Variants in UBOX5 observed in about 807,000 individuals in gnomAD.
UBOX5 encodes U-box domain containing 5, also known as RING finger protein 37.
In UBOX5, 28 loss-of-function variants were observed where a neutral mutation model predicts 39.0. The ratio of observed to expected loss-of-function variants is 0.72; its 90% CI spans 0.53 to 0.98. UBOX5 has a LOEUF of 0.98. Ranked by LOEUF, UBOX5 falls within the 50% of genes least tolerant of loss-of-function variation. UBOX5 has a pLI of 0.00. For missense variants in UBOX5, 585 were observed against 674.4 expected (o/e 0.87, Z 1.47); for synonymous variants, 283 against 275.5 (o/e 1.03, Z -0.27).
intron 4 of UBOX5, among the ~76,000 whole-genome samples, chr20:3,114,249 C>G (rs1037099799): frequency 1.3e-5 from 2 of 152,048 alleles, no homozygotes; most frequent in African/African-American, 4.8e-5. Flanking sequence ...TGAGTTTTCA[C>G]TTGGGTAACA....
intron 1 of UBOX5, chr20:3,147,972 G>A: frequency 6.2e-7 from 1 of 1,614,204 alleles, no homozygotes; most frequent in Non-Finnish European, 8.5e-7. Context: ...TGATCCACGT[G>A]AGTGAAACGG....
At chr20:3,148,473 G>C in intron 1 of UBOX5, 2 of 1,614,168 alleles carry the variant, frequency 1.2e-6, no homozygotes, top group Non-Finnish European at 8.5e-7. Context: ...GTATCAAAGA[G>C]CTGTATCTTC....
intron 1 of UBOX5, among the ~76,000 whole-genome samples, chr20:3,152,131 A>G (rs1430738462): frequency 6.6e-6 from 1 of 151,416 alleles, no homozygotes; most frequent in East Asian, 1.9e-4. Context: ...AAGAACCAAA[A>G]AAACAGAGAT....
intron 1 of UBOX5, among the ~76,000 whole-genome samples, chr20:3,158,133 TGTTTTTTGTTTTTTTC>T (rs2066708076): frequency 6.6e-6 from 1 of 152,004 alleles, no homozygotes; most frequent in Non-Finnish European, 1.5e-5. Context: ...GTGTTTTTTT[TGTTTTTTGTTTTTTTC>T]GTAGAGACAG....
intron 1 of UBOX5, among the ~76,000 whole-genome samples, chr20:3,126,234 G>A (rs2066387185): frequency 6.6e-6 from 1 of 152,128 alleles, no homozygotes; most frequent in Non-Finnish European, 1.5e-5. Flanking sequence ...TCTGAATCAT[G>A]TGCTGTGTCA....
chr20:3,115,215 C>CAG (rs1216190994), intron 4 of UBOX5, 90 bp downstream of exon 4: 17 of 1,460,950 alleles, frequency 1.2e-5, no homozygotes, highest in African/African-American at 2.8e-5. Flanking sequence ...GGCAGGTCCA[C>CAG]AGAGCCCCCA....
chr20:3,115,495 C>G, intron 3 of UBOX5, 29 bp from the exon 4 acceptor site: 1 of 1,580,586 alleles, frequency 6.3e-7, no homozygotes, highest in South Asian at 1.1e-5. Flanking sequence ...AGCACAACAT[C>G]CAGAGACAGG....
chr20:3,142,274 C>T (rs1233250727), intron 1 of UBOX5, among the ~76,000 whole-genome samples: 1 of 151,690 alleles, frequency 6.6e-6, no homozygotes, highest in East Asian at 1.9e-4. Flanking sequence ...CCAGCCTGGG[C>T]AACATGGTGA....
chr20:3,129,927 G>T (rs566857551), intron 1 of UBOX5, among the ~76,000 whole-genome samples: 54 of 152,200 alleles, frequency 3.5e-4, no homozygotes, highest in Non-Finnish European at 6.9e-4. Context: ...AATAATTTTG[G>T]AACAAAGTGG....
At chr20:3,114,141 A>T (rs2066275626) in intron 4 of UBOX5, among the ~76,000 whole-genome samples, 1 of 152,210 alleles carries the variant, frequency 6.6e-6, no homozygotes, top group Non-Finnish European at 1.5e-5. Flanking sequence ...TCTTAAAAAA[A>T]GAAAAAAGAG....
chr20:3,145,154 G>A (rs1423695069), intron 1 of UBOX5, among the ~76,000 whole-genome samples: 3 of 151,636 alleles, frequency 2.0e-5, no homozygotes. Flanking sequence ...GTGAAGCTTT[G>A]AGAGCCTTTT....
chr20:3,147,514 A>G, intron 1 of UBOX5: 1 of 1,614,242 alleles, frequency 6.2e-7, no homozygotes, highest in South Asian at 1.1e-5. Context: ...TGCCAACTGT[A>G]CCATCGAGGG....
At chr20:3,115,276 C>A in intron 4 of UBOX5, 29 bp downstream of exon 4, 1 of 1,597,772 alleles carries the variant, frequency 6.3e-7, no homozygotes, top group Admixed American at 1.7e-5. Context: ...CATTCCAAGG[C>A]TCCAAGGAGA....
At chr20:3,111,177 G>A (rs1405126312) in intron 4 of UBOX5, among the ~76,000 whole-genome samples, 4 of 152,162 alleles carry the variant, frequency 2.6e-5, no homozygotes, top group African/African-American at 9.7e-5. Context: ...TTTCCTCATG[G>A]CCCCTCTGGA....
chr20:3,135,969 G>A (rs1011112915), intron 1 of UBOX5: 4 of 152,162 alleles, frequency 2.6e-5, no homozygotes, highest in Admixed American at 1.3e-4. Flanking sequence ...AGAGAGAAAT[G>A]ACACTAATGA....
intron 1 of UBOX5, among the ~76,000 whole-genome samples, chr20:3,128,752 A>T (rs1002523921): frequency 1.3e-5 from 2 of 152,200 alleles, no homozygotes; most frequent in African/African-American, 4.8e-5. Flanking sequence ...AGTCCCAGCT[A>T]CTTGGGAGGC....
intron 1 of UBOX5, chr20:3,147,958 G>T (rs561877047): frequency 6.2e-7 from 1 of 1,614,190 alleles, no homozygotes; most frequent in East Asian, 2.2e-5. Flanking sequence ...TCATGAAATT[G>T]ATGTGATCCA....
chr20:3,113,497 A>G (rs925791377), intron 4 of UBOX5, among the ~76,000 whole-genome samples: 7 of 152,084 alleles, frequency 4.6e-5, no homozygotes, highest in African/African-American at 1.7e-4. Flanking sequence ...TCCAACTGCT[A>G]TGAGTATGAT....
intron 1 of UBOX5, among the ~76,000 whole-genome samples, chr20:3,134,324 A>C (rs972889716): frequency 6.6e-6 from 1 of 152,178 alleles, no homozygotes; most frequent in African/African-American, 2.4e-5. Context: ...TATGTTGTTT[A>C]AAATTTTTTA....
Sources: allele counts gnomAD v4.1 joint callset (sites outside exome capture counted in the v4.1 genomes callset), GRCh38; gene constraint gnomAD v4.1.1; transcripts MANE v1.5; gene names NCBI Gene and HGNC (gene_info 2026-07-23, HGNC 2026-07-21).